The following HIVEP1 variants were observed in gnomAD, a reference collection of about 807,000 sequenced individuals.
HIVEP1 encodes zinc finger protein 40.
Under a neutral mutation model 180.0 loss-of-function variants are expected in HIVEP1, and 36 were observed. That is an observed-to-expected ratio of 0.20 (90% CI 0.15 to 0.26). The LOEUF is 0.26. HIVEP1 is among the 10% of genes least tolerant of loss of function. The pLI, the probability that HIVEP1 is intolerant of heterozygous loss-of-function variation, is 1.00. For synonymous variants in HIVEP1, 1,239 were observed against 1,239.0 expected, an observed-to-expected ratio of 1.00 and a Z score of 0.00; for missense variants, 3,143 against 3,268.7, an observed-to-expected ratio of 0.96 and a Z score of 0.94.
intron 4 of HIVEP1, among the ~76,000 whole-genome samples, chr6:12,128,739 G>T (rs1211926732): frequency 2.6e-5 from 4 of 151,904 alleles, no homozygotes; most frequent in Non-Finnish European, 5.9e-5. Context: ...ATCATAAGGT[G>T]GTATTATATT....
chr6:12,099,059 A>G (rs1190774579), intron 3 of HIVEP1, among the ~76,000 whole-genome samples: 1 of 152,164 alleles, frequency 6.6e-6, no homozygotes, highest in Non-Finnish European at 1.5e-5. Context: ...AAACAAATGT[A>G]TGTAGTAACA....
chr6:12,052,104 T>A (rs753428448), intron 2 of HIVEP1, among the ~76,000 whole-genome samples: 1 of 152,204 alleles, frequency 6.6e-6, no homozygotes, highest in Non-Finnish European at 1.5e-5. Flanking sequence ...AAAGCAGTCT[T>A]TGGAAATTCT....
chr6:12,202,098 G>A, the HIVEP1 span, among the ~76,000 whole-genome samples: 35 of 152,124 alleles, frequency 2.3e-4, 1 homozygote, highest in East Asian at 6.4e-3. Flanking sequence ...ATACTACATA[G>A]GACAAATTTT....
upstream of HIVEP1, among the ~76,000 whole-genome samples, chr6:12,011,630 C>A (rs1767314446): frequency 6.8e-6 from 1 of 147,874 alleles, no homozygotes; most frequent in South Asian, 2.1e-4. Context: ...CCTGCGGCGG[C>A]TCGGCCGGGC....
chr6:12,131,437 T>TA (rs397963015), intron 6 of HIVEP1, among the ~76,000 whole-genome samples: 6 of 151,806 alleles, frequency 4.0e-5, no homozygotes, highest in South Asian at 2.1e-4. Flanking sequence ...TGCTTTTTTT[T>TA]ACATAAATAC....
rs60181903 is a variant in HIVEP1 at position 12,103,184 on chromosome 6, G to GTAATAATAATAATAATAA, written c.94+13962_94+13979dup. ...TGCAACCAGCGATGGTGTTGATTAT[G>GTAATAATAATAATAATAA]TAATAATAATAATAATAATAATAAT... is the stretch of plus-strand genomic sequence containing the variant. On this transcript the variant is annotated intron_variant, in intron 3 of 8. Coordinates refer to ENST00000379388, the MANE Select transcript of HIVEP1 (RefSeq NM_002114.4). Among the ~76,000 whole-genome samples, 22 of 147,690 alleles carry GTAATAATAATAATAATAA rather than the reference G, an allele frequency of 1.5e-4. No homozygotes were observed. In the South Asian group the frequency reaches 1.5e-3, roughly 10 times the overall value.
chr6:12,063,809 C>T lies in HIVEP1; in HGVS notation c.41-25375C>T, dbSNP rs552337419. Among the ~76,000 whole-genome samples the T allele has an allele frequency of 5.3e-5, 8 of 152,262 alleles. No individual in the cohort carries two copies. The highest frequency in any genetic ancestry group is 1.0e-4 in the Non-Finnish European group (7 of 68,020). On this transcript the variant is annotated intron_variant, in intron 2 of 8. Transcript: ENST00000379388. This position sits in a 1 kb window ranked among gnomAD's most constrained non-coding sequence, Gnocchi z 4.2. Reference sequence around the variant, plus strand: ...GAAACCTCTTGTGTACCAGCTTCACCATGCATGAGATTCACATATGTTTCT... The same window carrying T: ...GAAACCTCTTGTGTACCAGCTTCACTATGCATGAGATTCACATATGTTTCT...
At chr6:12,014,868 G>C (rs1240240060) in intron 1 of HIVEP1, among the ~76,000 whole-genome samples, 1 of 152,234 alleles carries the variant, frequency 6.6e-6, no homozygotes, top group Non-Finnish European at 1.5e-5. Context: ...GTGTGATCAC[G>C]TGGGTTAGCC....
In HIVEP1 at chr6:12,073,633, C is replaced by T. The variant is rs186312285; in HGVS notation, c.41-15551C>T. Among the ~76,000 whole-genome samples the T allele has an allele frequency of 1.6e-4, 24 of 152,312 alleles. No homozygotes were observed. The South Asian group carries it at 4.1e-3, about 26-fold the overall frequency. ...GGTCAACACATCTAGTTTCTGCCAG[C>T]TCTTGGTCACTCTCCAGCACTTTCA... is the stretch of plus-strand genomic sequence containing the variant. On this transcript the variant is annotated intron_variant, in intron 2 of 8. Transcript: ENST00000379388.
At chr6:12,055,131 G>T (rs1020936963) in intron 2 of HIVEP1, among the ~76,000 whole-genome samples, 1 of 152,170 alleles carries the variant, frequency 6.6e-6, no homozygotes, top group Non-Finnish European at 1.5e-5. Context: ...TAAAGTTATA[G>T]TATGTTTTTA....
intron 2 of HIVEP1, among the ~76,000 whole-genome samples, chr6:12,085,733 A>G (rs1773076860): frequency 6.6e-6 from 1 of 151,918 alleles, no homozygotes; most frequent in Non-Finnish European, 1.5e-5. Context: ...GGTGAGGGAG[A>G]CCCTCCCCAC....
chr6:12,067,442 AAAT>A (rs1050150966), intron 2 of HIVEP1, among the ~76,000 whole-genome samples: 4 of 152,226 alleles, frequency 2.6e-5, no homozygotes, highest in African/African-American at 7.2e-5. Context: ...TATTTTACAG[AAAT>A]AATAATAAGG....
At chr6:12,158,349 G>C (rs929231388) in intron 7 of HIVEP1, among the ~76,000 whole-genome samples, 1 of 152,146 alleles carries the variant, frequency 6.6e-6, no homozygotes, top group Non-Finnish European at 1.5e-5. Context: ...TGCAGGAAAG[G>C]CTTCATGTTC....
chr6:12,196,313 G>T, the HIVEP1 span, among the ~76,000 whole-genome samples: 1 of 152,146 alleles, frequency 6.6e-6, no homozygotes, highest in Admixed American at 6.5e-5. Flanking sequence ...CCAATAAGAG[G>T]TATGTTCTAT....
At chr6:12,102,555 A>G (rs574013686) in intron 3 of HIVEP1, among the ~76,000 whole-genome samples, 5 of 152,304 alleles carry the variant, frequency 3.3e-5, no homozygotes, top group African/African-American at 7.2e-5. Context: ...CAAGTAGACT[A>G]GGAACATTGC....
At chr6:12,157,501 A>T (rs1760129220) in intron 7 of HIVEP1, among the ~76,000 whole-genome samples, 1 of 152,184 alleles carries the variant, frequency 6.6e-6, no homozygotes, top group Non-Finnish European at 1.5e-5. Context: ...CTACCTTCAG[A>T]TAATATTACA....
intron 2 of HIVEP1, chr6:12,038,070 C>T (rs151317748): frequency 4.7e-5 from 13 of 278,792 alleles, no homozygotes; most frequent in African/African-American, 2.4e-4. Context: ...AATTAAGGAA[C>T]CTGATGTATC....
At chr6:12,092,749 C>T (rs1217832882) in intron 3 of HIVEP1, among the ~76,000 whole-genome samples, 5 of 151,976 alleles carry the variant, frequency 3.3e-5, no homozygotes, top group African/African-American at 9.7e-5. Context: ...TTTTGTTTCC[C>T]TGGTTACTAA....
chr6:12,108,930 C>T (rs892268991), intron 3 of HIVEP1, among the ~76,000 whole-genome samples: 3 of 152,236 alleles, frequency 2.0e-5, no homozygotes, highest in African/African-American at 7.2e-5. Context: ...GCTCTCAGGA[C>T]TGCCAGCATG....
Sources: gnomAD v4.1 joint callset for allele counts (sites outside exome capture counted in the v4.1 genomes callset) on GRCh38, gnomAD v4.1.1 for gene constraint, Gnocchi (gnomAD v3.1) non-coding constraint, MANE v1.5 for transcripts, NCBI Gene and HGNC (gene_info 2026-07-23, HGNC 2026-07-21) for gene names.